Variants in POR observed in about 807,000 individuals in gnomAD.
POR encodes the protein cytochrome p450 oxidoreductase, also known as NADPH--cytochrome P450 reductase.
In POR, 56 loss-of-function variants were observed where a neutral mutation model predicts 84.0. The ratio of observed to expected loss-of-function variants is 0.67; its 90% CI spans 0.54 to 0.83. The LOEUF (loss-of-function observed/expected upper bound fraction) is 0.83. Among genes scored for constraint, POR ranks in the 40% least tolerant of loss-of-function variants. The pLI, the probability that POR is intolerant of heterozygous loss-of-function variation, is 0.00. For synonymous variants in POR, 414 were observed against 400.5 expected (o/e 1.03, Z -0.40); for missense variants, 938 against 944.3 (o/e 0.99, Z 0.09).
intron 1 of POR, among the ~76,000 whole-genome samples, chr7:75,930,066 C>T (rs1477035819): frequency 1.3e-5 from 2 of 152,128 alleles, no homozygotes; most frequent in Non-Finnish European, 2.9e-5. Flanking sequence ...GGCTTTGAAT[C>T]TGAGTCTGTA....
Position 75,920,679 on chromosome 7 carries a change from C to T in POR, c.-5+5500C>T, listed in dbSNP as rs558852530. 2.1e-4 allele frequency among the ~76,000 whole-genome samples: 32 copies of T among 152,156 alleles called. 1 individual carries two copies. The highest frequency in any genetic ancestry group is 1.5e-3 in the Admixed American group (23 of 15,274). On this transcript the variant is annotated intron_variant, in intron 1 of 15. Transcript: ENST00000461988. Reference sequence around the variant, plus strand: ...TGTGTCCTAGTGATACTTTGATCTTCGTGGGCATGCATCATCAGTGCATTG... The same window carrying T: ...TGTGTCCTAGTGATACTTTGATCTTTGTGGGCATGCATCATCAGTGCATTG...
In POR at chr7:75,985,141, C is replaced by G; in HGVS notation, c.1332C>G (p.Ile444Met). The change falls in exon 12 of 16, where the codon ATC (isoleucine) becomes ATG (methionine). Residue 444 changes from isoleucine to methionine, a missense_variant. Ile to Met is a conservative substitution (Grantham distance 10). Transcript: ENST00000461988. Reference sequence around the variant, plus strand: ...ACTGCCCGTCCCTGCGGCCCCCCATCGACCACCTGTGTGAGCTGCTGCCGC... The same window carrying G: ...ACTGCCCGTCCCTGCGGCCCCCCATGGACCACCTGTGTGAGCTGCTGCCGC... The G allele has an allele frequency of 6.3e-7, 1 of 1,599,980 alleles. No homozygotes were observed. The highest frequency in any genetic ancestry group is 1.7e-5 in the Admixed American group (1 of 59,984).
intron 1 of POR, among the ~76,000 whole-genome samples, chr7:75,936,959 T>C (rs371754744): frequency 1.5e-4 from 23 of 151,164 alleles, no homozygotes; most frequent in African/African-American, 4.8e-4. Flanking sequence ...CCCAAGTAGC[T>C]GGGATTACAG....
intron 3 of POR, among the ~76,000 whole-genome samples, chr7:75,979,088 C>T (rs781913596): frequency 1.3e-5 from 2 of 152,076 alleles, no homozygotes; most frequent in Non-Finnish European, 2.9e-5. Flanking sequence ...TGAGCCACCA[C>T]GCCCGGCTGC....
chr7:75,936,464 A>G (rs1554550843), intron 1 of POR, among the ~76,000 whole-genome samples: 1 of 151,976 alleles, frequency 6.6e-6, no homozygotes, highest in Non-Finnish European at 1.5e-5. Context: ...TGAGTGTTGC[A>G]GTTTGTCTTT....
At position 75,981,915 on chromosome 7, in the gene POR, C is replaced by T. The variant is rs547652806; in HGVS notation, c.731+309C>T. ...TCCACAGACTTGGCCAAAAACATAA[C>T]GTTCCTCTCTGTGCCCTTGATGGCC... is the stretch of plus-strand genomic sequence containing the variant. On this transcript the variant is annotated intron_variant, in intron 7 of 15. Coordinates refer to ENST00000461988, the MANE Select transcript of POR (RefSeq NM_000941.3). The T allele has an allele frequency of 4.2e-4, 238 of 568,334 alleles. 1 individual carries two copies. The highest frequency in any genetic ancestry group is 2.3e-3 in the Middle Eastern group (5 of 2,138). The allele number at this position is 568,334 out of a possible 1,614,324, so 35.2% of individuals were successfully genotyped here.
chr7:75,979,922 A>C, intron 4 of POR: 1 of 369,506 alleles, frequency 2.7e-6, no homozygotes. Flanking sequence ...GACGGGCACT[A>C]CCCCACAGCC....
intron 2 of POR, among the ~76,000 whole-genome samples, chr7:75,963,941 G>A (rs1038350011): frequency 7.2e-5 from 11 of 151,996 alleles, no homozygotes; most frequent in Non-Finnish European, 1.3e-4. Context: ...CTTTATTGAG[G>A]TATAAATGAC....
chr7:75,956,256 G>A (rs1293790592), intron 2 of POR, among the ~76,000 whole-genome samples: 6 of 152,222 alleles, frequency 3.9e-5, no homozygotes, highest in South Asian at 4.1e-4. Flanking sequence ...CCAAGAATGC[G>A]CCACTGCATT....
At chr7:75,940,056 T>G (rs1807898861) in intron 1 of POR, among the ~76,000 whole-genome samples, 1 of 151,586 alleles carries the variant, frequency 6.6e-6, no homozygotes, top group Non-Finnish European at 1.5e-5. Flanking sequence ...GAGCCAACGC[T>G]CCCCACCTCT....
At chr7:75,979,960 A>G (rs1788918344) in intron 4 of POR, among the ~76,000 whole-genome samples, 1 of 152,094 alleles carries the variant, frequency 6.6e-6, no homozygotes, top group Non-Finnish European at 1.5e-5. Flanking sequence ...GCAGTTGATG[A>G]ACAGTTTAGT....
intron 3 of POR, chr7:75,972,762 G>A (rs2116536504): frequency 2.1e-6 from 1 of 473,234 alleles, no homozygotes; most frequent in South Asian, 2.2e-5. Flanking sequence ...TCCAGGAGCA[G>A]AGGTAAATCT....
rs782746771 is a variant in POR at position 75,983,622 on chromosome 7, G to A, written c.933G>A (p.Ser311=). Residue 311 remains serine (S), a synonymous_variant, in exon 9 of 16, where the codon TCG becomes TCA. Transcript: ENST00000461988. ...TCATGCACCTGGAATTGGACATCTC[G>A]GACTCCAAAATCAGGTACCAGCTGC... is the stretch of plus-strand genomic sequence containing the variant. 40 of 1,612,644 alleles carry A rather than the reference G, an allele frequency of 2.5e-5. No individual in the cohort carries two copies. The highest frequency in any genetic ancestry group is 1.6e-4 in the East Asian group (7 of 44,870).
chr7:75,958,800 G>A (rs1308015968), intron 2 of POR, among the ~76,000 whole-genome samples: 1 of 118,542 alleles, frequency 8.4e-6, no homozygotes, highest in African/African-American at 3.3e-5. Context: ...GCAACATAGG[G>A]AGACCCCCAC....
intron 1 of POR, among the ~76,000 whole-genome samples, chr7:75,942,091 G>A (rs1051001890): frequency 2.4e-4 from 36 of 151,916 alleles, no homozygotes; most frequent in African/African-American, 8.5e-4. Context: ...GGCATGGTGG[G>A]TAGTATACAC....
At chr7:75,975,252 A>G (rs536490621) in intron 3 of POR, among the ~76,000 whole-genome samples, 1 of 152,196 alleles carries the variant, frequency 6.6e-6, no homozygotes, top group Non-Finnish European at 1.5e-5. Context: ...GATGTGAGGT[A>G]TGAATCCAAC....
chr7:75,949,516 G>A (rs1585101309), intron 1 of POR, among the ~76,000 whole-genome samples: 2 of 151,338 alleles, frequency 1.3e-5, no homozygotes, highest in African/African-American at 4.9e-5. Flanking sequence ...TGTTGTTGTT[G>A]TTGTTTGAGA....
intron 2 of POR, among the ~76,000 whole-genome samples, chr7:75,970,720 G>C (rs1554556005): frequency 6.7e-6 from 1 of 150,324 alleles, no homozygotes; most frequent in East Asian, 2.0e-4. Flanking sequence ...CTGCACTCCA[G>C]CCTGGGCGAC....
At chr7:75,920,105 G>T (rs558624149) in intron 1 of POR, among the ~76,000 whole-genome samples, 34 of 117,354 alleles carry the variant, frequency 2.9e-4, no homozygotes, top group Middle Eastern at 8.5e-3. Flanking sequence ...TGACTCTCTC[G>T]CCTAGGCTGG....
Sources: gnomAD v4.1 joint callset for allele counts (sites outside exome capture counted in the v4.1 genomes callset) on GRCh38, gnomAD v4.1.1 for gene constraint, MANE v1.5 for transcripts, NCBI Gene and HGNC (gene_info 2026-07-23, HGNC 2026-07-21) for gene names.